Variants in TENM3 observed in about 807,000 individuals in gnomAD.
The protein encoded by TENM3 is teneurin transmembrane protein 3.
A neutral mutation model predicts 255.1 loss-of-function variants in TENM3; 63 were observed. The observed-to-expected ratio is 0.25, with a 90% CI of 0.20 to 0.30. TENM3 has a LOEUF of 0.30. TENM3 is among the 10% of genes least tolerant of loss of function. The pLI, the probability that TENM3 is intolerant of heterozygous loss-of-function variation, is 1.00. For synonymous variants in TENM3, 1,306 were observed against 1,322.3 expected (o/e 0.99, Z 0.27); for missense variants, 2,929 against 3,461.1 (o/e 0.85, Z 3.86).
chr4:182,331,629 T>C (rs540809277), intron 2 of TENM3, among the ~76,000 whole-genome samples: 1 of 152,278 alleles, frequency 6.6e-6, no homozygotes, highest in South Asian at 2.1e-4. Context: ...TTTTAAGACA[T>C]ACACTTAAAA....
chr4:182,433,927 C>A (rs1303354390), intron 3 of TENM3, among the ~76,000 whole-genome samples: 3 of 151,994 alleles, frequency 2.0e-5, no homozygotes, highest in Admixed American at 1.3e-4. Flanking sequence ...TCAGCCAGTG[C>A]AACATAGTGG....
the TENM3 span, among the ~76,000 whole-genome samples, chr4:181,953,724 C>T: frequency 3.3e-5 from 5 of 151,792 alleles, no homozygotes; most frequent in African/African-American, 4.8e-5. Flanking sequence ...TGTGAAGAAG[C>T]TTTATAAACC....
chr4:182,218,345 G>A (rs537210470), intron 1 of TENM3, among the ~76,000 whole-genome samples: 146 of 152,210 alleles, frequency 9.6e-4, no homozygotes, highest in African/African-American at 3.4e-3. Context: ...ATTTTAACAG[G>A]AATTATAATT....
At chr4:182,038,198 A>G in the TENM3 span, among the ~76,000 whole-genome samples, 4 of 152,106 alleles carry the variant, frequency 2.6e-5, no homozygotes, top group Non-Finnish European at 2.9e-5. Context: ...TCTGAGTCCA[A>G]TTTCAAACAT....
chr4:182,463,702 C>T (rs1312468606), intron 3 of TENM3, among the ~76,000 whole-genome samples: 1 of 151,958 alleles, frequency 6.6e-6, no homozygotes, highest in African/African-American at 2.4e-5. Context: ...CGGCTCACCG[C>T]AACCTCGGCC....
chr4:182,177,952 G>T lies in TENM3; in HGVS notation c.-76+33198G>T, dbSNP rs552046113. Among the ~76,000 whole-genome samples the T allele has an allele frequency of 4.0e-4, 30 of 75,210 alleles. No homozygotes were observed. The Middle Eastern group carries it at 0.024, about 60-fold the overall frequency. The allele number at this position is 75,210 out of a possible 152,430, so 49.3% of individuals were successfully genotyped here. ...TTTGTCCAATATTTTATATGTTTTG[G>T]TTTTTGTTTTTTTTTTTTTTTTTGC... On this transcript the variant is annotated intron_variant, in intron 1 of 2. Transcript: ENST00000512480.
At chr4:182,211,996 C>T (rs563755340) in intron 1 of TENM3, among the ~76,000 whole-genome samples, 1 of 152,246 alleles carries the variant, frequency 6.6e-6, no homozygotes, top group African/African-American at 2.4e-5. Context: ...CAAATGGTAG[C>T]TCTACTCTAA....
At chr4:181,668,961 T>C in the TENM3 span, among the ~76,000 whole-genome samples, 4 of 152,142 alleles carry the variant, frequency 2.6e-5, no homozygotes, top group Non-Finnish European at 4.4e-5. Context: ...TCCTTGAAAA[T>C]GGAATCATAG....
chr4:182,177,602 A>C (rs147149530), intron 1 of TENM3, among the ~76,000 whole-genome samples: 5,394 of 127,794 alleles, frequency 0.042, 166 homozygotes, highest in East Asian at 0.14. Flanking sequence ...TTTGGCATAC[A>C]TATATATATA....
intron 3 of TENM3, among the ~76,000 whole-genome samples, chr4:182,478,404 A>G (rs1733882497): frequency 6.6e-6 from 1 of 151,714 alleles, no homozygotes; most frequent in South Asian, 2.1e-4. Context: ...TGCTTATGTC[A>G]TTCTTATAAT....
chr4:182,581,555 T>C (rs933294926), intron 3 of TENM3, among the ~76,000 whole-genome samples: 2 of 152,024 alleles, frequency 1.3e-5, no homozygotes, highest in Non-Finnish European at 1.5e-5. Context: ...CTGGCCAACA[T>C]GGTGAAAACC....
chr4:181,880,921 C>A, the TENM3 span, among the ~76,000 whole-genome samples: 2 of 152,126 alleles, frequency 1.3e-5, no homozygotes, highest in Admixed American at 6.6e-5. Flanking sequence ...CAGATCAGTT[C>A]TTCTGTTCCT....
At chr4:182,170,624 G>GA (rs1561163799) in intron 1 of TENM3, among the ~76,000 whole-genome samples, 2 of 63,426 alleles carry the variant, frequency 3.2e-5, no homozygotes, top group Non-Finnish European at 8.5e-5. Context: ...GTCAGGTTTT[G>GA]GTTAATGGTA....
At chr4:182,324,370 C>A in intron 2 of TENM3, 118 bp downstream of exon 2, 1 of 756,842 alleles carries the variant, frequency 1.3e-6, no homozygotes. Flanking sequence ...TCTGCTGATT[C>A]TGATTTTGAG....
At chr4:182,027,610 T>A in the TENM3 span, among the ~76,000 whole-genome samples, 8 of 151,820 alleles carry the variant, frequency 5.3e-5, no homozygotes, top group Non-Finnish European at 8.8e-5. Flanking sequence ...GCTGTGGGTG[T>A]GTCATATATG....
At chr4:182,422,776 A>G (rs1001008232) in intron 3 of TENM3, among the ~76,000 whole-genome samples, 2 of 152,244 alleles carry the variant, frequency 1.3e-5, no homozygotes, top group African/African-American at 4.8e-5. Flanking sequence ...TTACTTAAAA[A>G]TAATCACTAC....
At chr4:181,767,128 T>C in the TENM3 span, among the ~76,000 whole-genome samples, 1 of 145,068 alleles carries the variant, frequency 6.9e-6, no homozygotes, top group Non-Finnish European at 1.5e-5. Context: ...GGCGGGCGCC[T>C]GTAGTCCCAG....
chr4:182,235,149 G>A (rs775812774), intron 1 of TENM3, among the ~76,000 whole-genome samples: 10 of 152,176 alleles, frequency 6.6e-5, no homozygotes, highest in Non-Finnish European at 1.3e-4. Flanking sequence ...CATATTCTGA[G>A]TATTCCTGTG....
chr4:182,755,446 A>C, intron 22 of TENM3, 187 bp downstream of exon 22: 1 of 564,838 alleles, frequency 1.8e-6, no homozygotes, highest in Non-Finnish European at 3.0e-6. Flanking sequence ...GGAGGCTGAG[A>C]CGGGAGGATT....
Sources: allele counts gnomAD v4.1 joint callset (sites outside exome capture counted in the v4.1 genomes callset), GRCh38; gene constraint gnomAD v4.1.1; transcripts MANE v1.5; gene names NCBI Gene and HGNC (gene_info 2026-07-23, HGNC 2026-07-21).